PLEC: variants seen among roughly 807,000 people sequenced by gnomAD.
PLEC encodes the protein hemidesmosomal protein 1.
A neutral mutation model predicts 392.8 loss-of-function variants in PLEC; 216 were observed. The ratio of observed to expected loss-of-function variants is 0.55; its 90% CI spans 0.49 to 0.62. The LOEUF (loss-of-function observed/expected upper bound fraction) is 0.62, where lower values mean the gene tolerates loss of function less well. PLEC is among the 20% of genes least tolerant of loss of function. PLEC has a pLI of 0.00. For missense variants in PLEC, 6,863 were observed against 6,563.4 expected (o/e 1.05, Z -1.58); for synonymous variants, 3,621 against 2,980.6 (o/e 1.21, Z -7.00).
chr8:143,918,503 T>C lies in PLEC; in HGVS notation c.11318A>G (p.Asp3773Gly). The change falls in exon 32 of 32, where the codon GAC (aspartate) becomes GGC (glycine). Residue 3773 changes from aspartate to glycine, a missense_variant. Asp to Gly is a moderately conservative substitution (Grantham distance 94). Transcript: ENST00000345136. The stretch of plus-strand genomic sequence containing the variant: ...CGAGATGGTCTGCTCGGTGTAGGGG[T>C]CACGGTAGCCGGTGACCGCCCGCTC... ...SAERAVTGYRDPYTEQTISLF... is the reference protein window; with the variant it reads ...SAERAVTGYRGPYTEQTISLF... The C allele has an allele frequency of 6.2e-7, 1 of 1,604,444 alleles. No homozygotes were observed. Among genetic ancestry groups the C allele is most frequent in the Admixed American group, 1.7e-5 (1 of 59,032 alleles).
At chr8:143,952,932 A>G (rs1374816060), upstream of PLEC, among the ~76,000 whole-genome samples, 3 of 151,358 alleles carry the variant, frequency 2.0e-5, no homozygotes, top group Non-Finnish European at 4.4e-5. Context: ...AGGAGCCCGG[A>G]GCAGAATGTT....
chr8:143,953,810 G>C (rs1832434249), upstream of PLEC: 1 of 1,610,132 alleles, frequency 6.2e-7, no homozygotes, highest in African/African-American at 1.3e-5. Context: ...CCACCACCAG[G>C]CAGAGTCCAG....
Position 143,929,186 on chromosome 8 carries a change from C to T in PLEC, c.3177G>A (p.Ala1059=), listed in dbSNP as rs376090972. 4.4e-5 allele frequency: 71 copies of T among 1,599,320 alleles called. No homozygotes were observed. Among genetic ancestry groups the T allele is most frequent in the South Asian group, 2.5e-4 (22 of 89,238 alleles). Residue 1059 remains alanine (A), a synonymous_variant, in exon 25 of 32, where the codon GCG becomes GCA. Coordinates refer to ENST00000345136, the MANE Select transcript of PLEC (RefSeq NM_201384.3). ...KVLALPEPSP[A]APTLRSELEL... ...CCAGCTCCGAGCGCAGCGTGGGGGC[C>T]GCAGGCGATGGCTCTGGTAGGGCCA...
chr8:143,929,317 G>T, intron 24 of PLEC, 36 bp from the exon 25 acceptor site: 3 of 1,595,012 alleles, frequency 1.9e-6, no homozygotes, highest in Non-Finnish European at 2.5e-6. Flanking sequence ...ACTCATCACC[G>T]AGCGCAGCAC....
rs1554722978 is a variant in PLEC, at chr8:143,935,974, G to A, written c.476C>T (p.Thr159Met). ...IQVSGQSEDM[T>M]AKEKLLLWSQ... ...CCACAGCAGCAGCTTCTCCTTGGCC[G>A]TCATGTCCTCCGACTGCCCACTCAC... The change falls in exon 6 of 32, where the codon ACG becomes ATG. Residue 159 changes from threonine to methionine, a missense_variant. By Grantham distance (81) the Thr-to-Met change is moderately conservative. Transcript: ENST00000345136. 1.2e-5 allele frequency: 20 copies of A among 1,612,724 alleles called. No individual in the cohort carries two copies. Among genetic ancestry groups the A allele is most frequent in the Admixed American group, 1.7e-5 (1 of 60,022 alleles).
upstream of PLEC, among the ~76,000 whole-genome samples, chr8:143,940,539 G>GCCT (rs1830261052): frequency 6.6e-6 from 1 of 152,196 alleles, no homozygotes; most frequent in East Asian, 1.9e-4. Flanking sequence ...GCTGGCTGGG[G>GCCT]CCTCCGGCTC....
In PLEC at chr8:143,924,097, C is replaced by A. The variant is rs1554695718; in HGVS notation, c.5832G>T (p.Leu1944=). 1.3e-6 allele frequency: 2 copies of A among 1,598,656 alleles called. No homozygotes were observed. The highest frequency in any genetic ancestry group is 1.1e-5 in the South Asian group (1 of 91,012). ...FEKAAAGKAE[L]ELELGRIRSN... ...TGCGGATGCGTCCCAGCTCCAGCTC[C>A]AGCTCCGCCTTGCCAGCGGCCGCCT... The change falls in exon 31 of 32, where the codon CTG becomes CTT. Residue 1944 remains leucine, a synonymous_variant. Coordinates refer to ENST00000345136, the MANE Select transcript of PLEC (RefSeq NM_201384.3).
At chr8:143,926,544 G>A (rs1048318773) in intron 30 of PLEC, among the ~76,000 whole-genome samples, 2 of 152,138 alleles carry the variant, frequency 1.3e-5, no homozygotes, top group Non-Finnish European at 2.9e-5. Flanking sequence ...GCTCACGAGG[G>A]AGGAGAGGCG....
chr8:143,921,037 G>C lies in PLEC; in HGVS notation c.8784C>G (p.Ile2928Met). The change falls in exon 32 of 32, where the codon ATC becomes ATG. Residue 2928 changes from isoleucine to methionine, a missense_variant. Coordinates refer to ENST00000345136, the MANE Select transcript of PLEC (RefSeq NM_201384.3). ...GCTCTGCCGTGAAGTATTCCGAGTT[G>C]ATGATCTCCCAAATGGTCACCGTCT... ...QGKTVTIWEI[I>M]NSEYFTAEQR... 1 of 1,612,794 alleles carries C rather than the reference G, an allele frequency of 6.2e-7. No homozygotes were observed. The highest frequency in any genetic ancestry group is 8.5e-7 in the Non-Finnish European group (1 of 1,180,026).
In PLEC at chr8:143,930,129, G is replaced by A. The variant is rs781969852; in HGVS notation, c.2612+15C>T. On this transcript the variant is annotated intron_variant, in intron 21 of 31. Transcript: ENST00000345136. ...CCGCCTTCCAGCCCCCACCTGCTGAGCCCCCGCCACCCACCTGGTGACGGC... is the reference window on the plus strand; with the variant it reads ...CCGCCTTCCAGCCCCCACCTGCTGAACCCCCGCCACCCACCTGGTGACGGC... 3.1e-6 allele frequency: 5 copies of A among 1,588,152 alleles called. No individual in the cohort carries two copies. The Admixed American group carries it at 6.8e-5, about 22-fold the overall frequency.
chr8:143,927,240 G>C lies in PLEC; in HGVS notation c.3840+12C>G, dbSNP rs782097371. The stretch of plus-strand genomic sequence containing the variant: ...CCGGACTTGGGGCCTGGTGCAGGCG[G>C]CTGGGCCTCACCTTGATGGCGTTGA... On this transcript the variant is annotated intron_variant, in intron 28 of 31. Coordinates refer to ENST00000345136, the MANE Select transcript of PLEC (RefSeq NM_201384.3). 2.5e-6 allele frequency: 4 copies of C among 1,611,364 alleles called. No individual in the cohort carries two copies. In the East Asian group the frequency reaches 6.7e-5, roughly 27 times the overall value.
In PLEC at chr8:143,924,512, A is replaced by G; in HGVS notation, c.5417T>C (p.Leu1806Pro). The G allele has an allele frequency of 6.5e-7, 1 of 1,537,252 alleles. No homozygotes were observed. Residue 1806 changes from leucine to proline, a missense_variant, in exon 31 of 32, where the codon CTG becomes CCG. Leu to Pro is a moderately conservative substitution (Grantham distance 98, BLOSUM62 -3). Coordinates refer to ENST00000345136, the MANE Select transcript of PLEC (RefSeq NM_201384.3). Reference sequence around the variant, plus strand: ...CTTGGCCTCTTCCGCCAGGGCACGCAGGCGGGCGGCCTCCTCGGCCAGCTC... The same window carrying G: ...CTTGGCCTCTTCCGCCAGGGCACGCGGGCGGGCGGCCTCCTCGGCCAGCTC... Reference protein sequence around the residue: ...FRELAEEAARLRALAEEAKRQ... With the variant: ...FRELAEEAARPRALAEEAKRQ...
rs782701313 is a variant in PLEC at position 143,930,450 on chromosome 8, G to T, written c.2391C>A (p.Arg797=). The T allele has an allele frequency of 1.3e-6, 2 of 1,578,876 alleles. No homozygotes were observed. Among genetic ancestry groups the T allele is most frequent in the Non-Finnish European group, 1.7e-6 (2 of 1,163,206 alleles). ...GGCCCCGCATGGGGTGGGCTGGGTG[G>T]CGGGGCTTCAGCTGCACGACGGCCT... ...RAKAVVQLKP[R]HPAHPMRGRL... is the part of the protein sequence containing the mutation. Residue 797 remains arginine (R), a synonymous_variant, in exon 20 of 32, where the codon CGC becomes CGA. Transcript: ENST00000345136.
chr8:143,919,144 A>C lies in PLEC; in HGVS notation c.10677T>G (p.Thr3559=). The C allele has an allele frequency of 6.2e-7, 1 of 1,612,924 alleles. No individual in the cohort carries two copies. Among genetic ancestry groups the C allele is most frequent in the Non-Finnish European group, 8.5e-7 (1 of 1,179,918 alleles). Reference sequence around the variant, plus strand: ...CAAATGCCCTTCTTGTCTCCTCCTCAGTGTACACCTGCGTGGTCTCCACCA... The same window carrying C: ...CAAATGCCCTTCTTGTCTCCTCCTCCGTGTACACCTGCGTGGTCTCCACCA... The part of the protein sequence containing the change: ...AEVVETTQVY[T]EEETRRAFEE... The change falls in exon 32 of 32, where the codon ACT becomes ACG. Residue 3559 remains threonine (T), a synonymous_variant. Transcript: ENST00000345136.
At position 143,925,332 on chromosome 8, in the gene PLEC, G is replaced by A. The variant is rs781783078; in HGVS notation, c.4597C>T (p.Arg1533Trp). The A allele has an allele frequency of 1.4e-4, 213 of 1,555,594 alleles. 1 individual carries two copies. The East Asian group carries it at 4.3e-3, about 31-fold the overall frequency. Reference sequence around the variant, plus strand: ...AGCTCCTCCAGGGCCTGCAGGGCCCGCTGCTTCTCGCGCGCCGCCTCGGCC... The same window carrying A: ...AGCTCCTCCAGGGCCTGCAGGGCCCACTGCTTCTCGCGCGCCGCCTCGGCC... ...AEAEAAREKQ[R>W]ALQALEELRL... is the part of the protein sequence containing the mutation. The change falls in exon 31 of 32, where the codon CGG becomes TGG. Residue 1533 changes from arginine to tryptophan, a missense_variant. Transcript: ENST00000345136.
rs781826576 is a variant in PLEC at position 143,935,179 on chromosome 8, G to A, written c.718+19C>T. On this transcript the variant is annotated intron_variant, in intron 7 of 31. Coordinates refer to ENST00000345136, the MANE Select transcript of PLEC (RefSeq NM_201384.3). ...AGGCAGCAGGGGAAGGGACAGGGAG[G>A]AAGGCCACGCAGACGTACCCTCAGG... 1.9e-6 allele frequency: 3 copies of A among 1,611,216 alleles called. No homozygotes were observed. The highest frequency in any genetic ancestry group is 3.3e-5 in the Admixed American group (2 of 60,018).
rs781843744 is a variant in PLEC, at chr8:143,916,941, T to C, written c.12880A>G (p.Ile4294Val). ...AGGTTCCGGTGCATGGCCTCGGTGATGGACACCTTCTCCAGCGTCTCCGTG... is the reference window on the plus strand; with the variant it reads ...AGGTTCCGGTGCATGGCCTCGGTGACGGACACCTTCTCCAGCGTCTCCGTG... ...LDTETLEKVS[I>V]TEAMHRNLVD... The change falls in exon 32 of 32, where the codon ATC (isoleucine) becomes GTC (valine). Residue 4294 changes from isoleucine (I) to valine (V), a missense_variant. Physicochemically the swap from Ile to Val is conservative, Grantham distance 29. Transcript: ENST00000345136. 15 of 1,612,684 alleles carry C rather than the reference T, an allele frequency of 9.3e-6. No individual in the cohort carries two copies. Among genetic ancestry groups the C allele is most frequent in the East Asian group, 8.9e-5 (4 of 44,876 alleles).
rs959482824 is a variant in PLEC at position 143,930,619 on chromosome 8, C to A, written c.2305-83G>T. 39 of 1,408,286 alleles carry A rather than the reference C, an allele frequency of 2.8e-5. No homozygotes were observed. In the Admixed American group the frequency reaches 3.8e-4, roughly 14 times the overall value. 87.2% of individuals were successfully genotyped at this position (1,408,286 alleles called of 1,614,324 possible). On this transcript the variant is annotated intron_variant, in intron 19 of 31. Coordinates refer to ENST00000345136, the MANE Select transcript of PLEC (RefSeq NM_201384.3). ...GGCACCCCCAGACCCCGGGACCAGG[C>A]CTGTGGGGCCCTCCTGATGCTCCCG...
In PLEC at chr8:143,919,077, C is replaced by T. The variant is rs202010719; in HGVS notation, c.10744G>A (p.Gly3582Ser). 197 of 1,611,352 alleles carry T rather than the reference C, an allele frequency of 1.2e-4. No individual in the cohort carries two copies. The Middle Eastern group carries it at 1.5e-3, about 12-fold the overall frequency. ...IDIPGGGSHGGSTMSLWEVMQ... is the reference protein window; with the variant it reads ...IDIPGGGSHGSSTMSLWEVMQ... ...ACCTCCCACAGGGACATGGTGGAGC[C>T]GCCGTGGCTGCCGCCGCCGGGAATG... The change falls in exon 32 of 32, where the codon GGC becomes AGC. Residue 3582 changes from glycine to serine, a missense_variant. By Grantham distance (56) the Gly-to-Ser change is moderately conservative. Coordinates refer to ENST00000345136, the MANE Select transcript of PLEC (RefSeq NM_201384.3).
Sources: allele counts gnomAD v4.1 joint callset (sites outside exome capture counted in the v4.1 genomes callset), GRCh38; gene constraint gnomAD v4.1.1; transcripts MANE v1.5; gene names NCBI Gene and HGNC (gene_info 2026-07-23, HGNC 2026-07-21).